Variants in PABPC4L observed in about 807,000 individuals in gnomAD.
PABPC4L encodes poly(A) binding protein cytoplasmic 4 like, also known as polyadenylate-binding protein 4-like.
For missense variants in PABPC4L, 452 were observed against 451.4 expected, an observed-to-expected ratio of 1.00 and a Z score of -0.01; for synonymous variants, 169 against 164.1, an observed-to-expected ratio of 1.03 and a Z score of -0.23.
chr4:134,046,794 A>G, the PABPC4L span, among the ~76,000 whole-genome samples: 1 of 152,258 alleles, frequency 6.6e-6, no homozygotes, highest in Non-Finnish European at 1.5e-5. Flanking sequence ...CATCCTGCAC[A>G]GCCCTAGATC....
chr4:134,010,505 T>C, the PABPC4L span: 1 of 152,110 alleles, frequency 6.6e-6, no homozygotes, highest in Non-Finnish European at 1.5e-5. Context: ...AATATCTTAG[T>C]GGATTAAAAT....
At chr4:134,019,696 T>C in the PABPC4L span, among the ~76,000 whole-genome samples, 1 of 152,272 alleles carries the variant, frequency 6.6e-6, no homozygotes, top group Non-Finnish European at 1.5e-5. Context: ...TCAGTCTGGT[T>C]TGTATTATGC....
chr4:134,093,555 C>A, the PABPC4L span, among the ~76,000 whole-genome samples: 2 of 136,158 alleles, frequency 1.5e-5, no homozygotes, highest in Admixed American at 1.6e-4. Flanking sequence ...CCCTTTATTT[C>A]TTTTCTTTTC....
At chr4:134,131,714 CAAAAAAAAAAAA>C in the PABPC4L span, among the ~76,000 whole-genome samples, 6 of 10,670 alleles carry the variant, frequency 5.6e-4, no homozygotes, top group Non-Finnish European at 7.9e-4. Flanking sequence ...CCTGTGAAAC[CAAAAAAAAAAAA>C]AAAAAAAAAA....
the PABPC4L span, among the ~76,000 whole-genome samples, chr4:134,089,564 T>G: frequency 6.6e-6 from 1 of 152,148 alleles, no homozygotes; most frequent in Non-Finnish European, 1.5e-5. Flanking sequence ...GTTAATGTCT[T>G]ACTGTGCCTA....
At chr4:134,110,232 C>T in the PABPC4L span, among the ~76,000 whole-genome samples, 1 of 151,846 alleles carries the variant, frequency 6.6e-6, no homozygotes, top group East Asian at 1.9e-4. Context: ...ACTATAATTA[C>T]TGAATAACTC....
chr4:134,035,617 A>G, the PABPC4L span, among the ~76,000 whole-genome samples: 1 of 151,944 alleles, frequency 6.6e-6, no homozygotes, highest in Non-Finnish European at 1.5e-5. Flanking sequence ...GTTCTTAGTC[A>G]TTTGTATCAA....
the PABPC4L span, among the ~76,000 whole-genome samples, chr4:133,979,474 T>A: frequency 1.3e-5 from 2 of 152,148 alleles, no homozygotes; most frequent in Non-Finnish European, 2.9e-5. Context: ...ATGAAAACAT[T>A]CTAGTCCTGG....
the PABPC4L span, among the ~76,000 whole-genome samples, chr4:134,046,093 G>C: frequency 1.3e-5 from 2 of 152,006 alleles, no homozygotes; most frequent in Non-Finnish European, 2.9e-5. Flanking sequence ...AAGAACAGTG[G>C]GCCCAGGGGA....
the PABPC4L span, among the ~76,000 whole-genome samples, chr4:134,109,537 T>G: frequency 6.6e-6 from 1 of 152,002 alleles, no homozygotes; most frequent in South Asian, 2.1e-4. Flanking sequence ...AATGTCCCTA[T>G]GGATATTATT....
chr4:134,025,305 CAAAAA>C, the PABPC4L span, among the ~76,000 whole-genome samples: 57 of 45,666 alleles, frequency 1.2e-3, 1 homozygote, highest in African/African-American at 3.9e-3. Flanking sequence ...GAATTCATCT[CAAAAA>C]AAAAAAAAAA....
the PABPC4L span, among the ~76,000 whole-genome samples, chr4:134,089,579 T>C: frequency 5.9e-5 from 9 of 152,132 alleles, no homozygotes; most frequent in African/African-American, 2.2e-4. Context: ...TGCCTATTTA[T>C]AAATCAAACT....
the PABPC4L span, among the ~76,000 whole-genome samples, chr4:134,091,366 G>A: frequency 0.72 from 109,887 of 151,626 alleles, 40,462 homozygotes; most frequent in East Asian, 0.96. Flanking sequence ...GCCATAGCCC[G>A]GAGATTTAAA....
the PABPC4L span, among the ~76,000 whole-genome samples, chr4:134,118,608 TA>T: frequency 2.2e-4 from 33 of 149,656 alleles, no homozygotes; most frequent in South Asian, 2.1e-4. Flanking sequence ...AACAAATAGG[TA>T]AAAAAAAAAT....
At chr4:133,990,734 A>G in the PABPC4L span, among the ~76,000 whole-genome samples, 3 of 151,650 alleles carry the variant, frequency 2.0e-5, no homozygotes, top group Non-Finnish European at 4.4e-5. Context: ...AACATTGCCG[A>G]CCCCCCCAGT....
chr4:134,091,256 C>G, the PABPC4L span, among the ~76,000 whole-genome samples: 30 of 151,372 alleles, frequency 2.0e-4, no homozygotes, highest in African/African-American at 7.3e-4. Context: ...CAGTACTTAA[C>G]TTTTATTGCC....
the PABPC4L span, among the ~76,000 whole-genome samples, chr4:134,083,153 C>T: frequency 6.6e-6 from 1 of 152,094 alleles, no homozygotes; most frequent in Non-Finnish European, 1.5e-5. Context: ...AATAAAGCCT[C>T]CTAAATTAAC....
chr4:134,190,846 T>C, the PABPC4L span, among the ~76,000 whole-genome samples: 1 of 152,030 alleles, frequency 6.6e-6, no homozygotes, highest in Non-Finnish European at 1.5e-5. Context: ...GAGATGGGGC[T>C]TCTCCACATT....
the PABPC4L span, among the ~76,000 whole-genome samples, chr4:134,084,887 C>A: frequency 6.6e-6 from 1 of 151,832 alleles, no homozygotes; most frequent in South Asian, 2.1e-4. Flanking sequence ...CTCACAAACA[C>A]ATGGAAGGGT....
Sources: allele counts gnomAD v4.1 joint callset (sites outside exome capture counted in the v4.1 genomes callset), GRCh38; gene constraint gnomAD v4.1.1; transcripts MANE v1.5; gene names NCBI Gene and HGNC (gene_info 2026-07-23, HGNC 2026-07-21).